GNAO1: variants seen among roughly 807,000 people sequenced by gnomAD.
The protein encoded by GNAO1 is G protein subunit alpha o1, also known as guanine nucleotide-binding protein G(o) subunit alpha.
For missense variants in GNAO1, 166 were observed against 478.7 expected, an observed-to-expected ratio of 0.35 and a Z score of 6.10; for synonymous variants, 164 against 180.7, an observed-to-expected ratio of 0.91 and a Z score of 0.74.
Position 56,330,224 on chromosome 16 carries a change from G to A in GNAO1, c.464+1433G>A, listed in dbSNP as rs188267831. Reference sequence around the variant, plus strand: ...GGTGGTCAGGGCAGTGAGCCCAGAAGCTCAGTGTCCACCATTCCGTATGCA... The same window carrying A: ...GGTGGTCAGGGCAGTGAGCCCAGAAACTCAGTGTCCACCATTCCGTATGCA... On this transcript the variant is annotated intron_variant, in intron 4 of 8. Transcript: ENST00000262493. Among the ~76,000 whole-genome samples the A allele has an allele frequency of 1.9e-3, 292 of 152,356 alleles. 2 individuals carry two copies. Among genetic ancestry groups the A allele is most frequent in the Non-Finnish European group, 2.8e-3 (190 of 68,020 alleles).
chr16:56,192,436 C>A, intron 1 of GNAO1, 83 bp downstream of exon 1: 1 of 969,602 alleles, frequency 1.0e-6, no homozygotes, highest in Non-Finnish European at 1.6e-6. Flanking sequence ...CCCACTCGCG[C>A]CCGGGAGACC....
At chr16:56,194,243 C>T (rs1239103472) in intron 2 of GNAO1, 3 of 456,524 alleles carry the variant, frequency 6.6e-6, no homozygotes, top group African/African-American at 2.0e-5. Flanking sequence ...TGGGGCTTCT[C>T]TTGAGCTTGT....
chr16:56,256,871 A>G (rs2036855536), intron 2 of GNAO1, among the ~76,000 whole-genome samples: 1 of 152,058 alleles, frequency 6.6e-6, no homozygotes, highest in African/African-American at 2.4e-5. Context: ...AGCTTCCAGA[A>G]TCATATACTC....
chr16:56,333,841 C>A (rs1429779209), intron 4 of GNAO1, among the ~76,000 whole-genome samples: 1 of 152,266 alleles, frequency 6.6e-6, no homozygotes, highest in Non-Finnish European at 1.5e-5. Flanking sequence ...GTGGTTTGCC[C>A]CGGCAGCAGG....
intron 3 of GNAO1, among the ~76,000 whole-genome samples, chr16:56,298,914 CAA>C (rs761298658): frequency 5.8e-4 from 41 of 70,256 alleles, no homozygotes; most frequent in African/African-American, 7.5e-4. Flanking sequence ...GACTCTGTCT[CAA>C]AAAAAAAAAA....
intron 2 of GNAO1, chr16:56,255,703 T>C (rs945185274): frequency 6.6e-6 from 1 of 152,220 alleles, no homozygotes; most frequent in African/African-American, 2.4e-5. Context: ...CTGTTTGTTA[T>C]TTAATTATTG....
intron 2 of GNAO1, among the ~76,000 whole-genome samples, chr16:56,212,966 G>T (rs75108760): frequency 0.018 from 2,689 of 152,342 alleles, 30 homozygotes; most frequent in South Asian, 0.03. Context: ...AAAATGACAT[G>T]GATACACACA....
At chr16:56,210,304 C>G (rs1433139829) in intron 2 of GNAO1, among the ~76,000 whole-genome samples, 2 of 152,120 alleles carry the variant, frequency 1.3e-5, no homozygotes, top group African/African-American at 4.8e-5. Context: ...AGTTGTTTAT[C>G]CATGCACCTA....
At chr16:56,321,203 A>G (rs1165035525) in intron 3 of GNAO1, among the ~76,000 whole-genome samples, 1 of 152,248 alleles carries the variant, frequency 6.6e-6, no homozygotes, top group Non-Finnish European at 1.5e-5. Flanking sequence ...TATTTGGGGT[A>G]CAAGTGCAAA....
At chr16:56,239,511 C>T (rs552608763) in intron 2 of GNAO1, among the ~76,000 whole-genome samples, 317 of 152,246 alleles carry the variant, frequency 2.1e-3, no homozygotes, top group Non-Finnish European at 3.5e-3. Flanking sequence ...TGTTCCCAGC[C>T]GCTGAGCCCA....
intron 2 of GNAO1, among the ~76,000 whole-genome samples, chr16:56,201,538 A>G (rs772345145): frequency 4.6e-5 from 7 of 152,220 alleles, no homozygotes; most frequent in African/African-American, 1.7e-4. Context: ...ACCTACGTAG[A>G]CTGGAGGAGA....
Position 56,311,768 on chromosome 16 carries a change from G to C in GNAO1, c.304-16863G>C, listed in dbSNP as rs114475943. Among the ~76,000 whole-genome samples, 1 of 152,030 alleles carries C rather than the reference G, an allele frequency of 6.6e-6. No homozygotes were observed. The highest frequency in any genetic ancestry group is 6.5e-5 in the Admixed American group (1 of 15,278). ...GGCTCCACTGGGCTGTCCACCTCCT[G>C]CCCCGCCCAGCACGGCCCGCTGGGA... On this transcript the variant is annotated intron_variant, in intron 3 of 8. Transcript: ENST00000262493. This position sits in a 1 kb window ranked among gnomAD's most constrained non-coding sequence, Gnocchi z 5.2.
At chr16:56,278,698 A>G (rs1429010221) in intron 3 of GNAO1, among the ~76,000 whole-genome samples, 1 of 152,170 alleles carries the variant, frequency 6.6e-6, no homozygotes, top group African/African-American at 2.4e-5. Flanking sequence ...GGCTGCAAGG[A>G]AAACAAAATA....
intron 6 of GNAO1, chr16:56,346,550 T>G: frequency 2.0e-6 from 2 of 985,384 alleles, no homozygotes; most frequent in Non-Finnish European, 2.4e-6. Context: ...TGAGCACTGA[T>G]AGAGGTCCCC....
chr16:56,318,466 C>T (rs1186403342), intron 3 of GNAO1, among the ~76,000 whole-genome samples: 4 of 152,222 alleles, frequency 2.6e-5, no homozygotes, highest in African/African-American at 4.8e-5. Context: ...CTCACGCTCC[C>T]TCTCCCATTG....
At chr16:56,296,636 C>T (rs528347630) in intron 3 of GNAO1, among the ~76,000 whole-genome samples, 28 of 152,302 alleles carry the variant, frequency 1.8e-4, no homozygotes, top group South Asian at 4.1e-4. Flanking sequence ...CACCCTCACC[C>T]TAGAACCTGC....
intron 3 of GNAO1, among the ~76,000 whole-genome samples, chr16:56,300,038 C>A (rs899237): frequency 3.1e-5 from 4 of 127,062 alleles, no homozygotes; most frequent in African/African-American, 9.9e-5. Context: ...TGTGTGTGTG[C>A]GCGCGCGCGC....
At chr16:56,298,721 G>C (rs547849799) in intron 3 of GNAO1, among the ~76,000 whole-genome samples, 8 of 152,038 alleles carry the variant, frequency 5.3e-5, no homozygotes, top group African/African-American at 1.7e-4. Flanking sequence ...GACCATCCTG[G>C]CTAACACGGT....
intron 2 of GNAO1, among the ~76,000 whole-genome samples, chr16:56,203,174 CTG>C (rs768174607): frequency 1.7e-4 from 26 of 152,198 alleles, no homozygotes; most frequent in Middle Eastern, 3.4e-3. Context: ...TGCACAGACA[CTG>C]TTGTTTTACT....
Sources: gnomAD v4.1 joint callset for allele counts (sites outside exome capture counted in the v4.1 genomes callset) on GRCh38, gnomAD v4.1.1 for gene constraint, Gnocchi (gnomAD v3.1) non-coding constraint, MANE v1.5 for transcripts, NCBI Gene and HGNC (gene_info 2026-07-23, HGNC 2026-07-21) for gene names.